The following PLA2G4F variants were observed in gnomAD, a reference collection of about 807,000 sequenced individuals.
PLA2G4F encodes phospholipase A2 group IVF, also known as cytosolic phospholipase A2 zeta.
Under a neutral mutation model 103.1 loss-of-function variants are expected in PLA2G4F, and 105 were observed. The ratio of observed to expected loss-of-function variants is 1.02; its 90% CI spans 0.87 to 1.20. The LOEUF (loss-of-function observed/expected upper bound fraction) is 1.20, where lower values mean the gene tolerates loss of function less well. Ranked by LOEUF, PLA2G4F falls within the 50% of genes most tolerant of loss-of-function variation. The pLI is 0.00. For synonymous variants in PLA2G4F, 468 were observed against 441.1 expected (o/e 1.06, Z -0.76); for missense variants, 1,155 against 1,075.9 (o/e 1.07, Z -1.03).
rs543944432 is a variant in PLA2G4F at position 42,144,937 on chromosome 15, G to A, written c.1781-293C>T. ...GTCTACAGCTTCCAATCAGAACTTC[G>A]TCCATTAAACACTGACTGAGCAATT... On this transcript the variant is annotated intron_variant, in intron 16 of 19. Transcript: ENST00000397272. Among the ~76,000 whole-genome samples, 122 of 152,224 alleles carry A rather than the reference G, an allele frequency of 8.0e-4. No individual in the cohort carries two copies. The South Asian group carries it at 0.012, about 16-fold the overall frequency.
At chr15:42,148,872 C>A in intron 11 of PLA2G4F, 1 of 985,402 alleles carries the variant, frequency 1.0e-6, no homozygotes, top group Non-Finnish European at 1.2e-6. Flanking sequence ...AAGGCGCTGT[C>A]GCTTCAGAGT....
chr15:42,151,236 T>C, intron 7 of PLA2G4F: 2 of 985,364 alleles, frequency 2.0e-6, no homozygotes, highest in Non-Finnish European at 2.4e-6. Flanking sequence ...TGTTTCCAAG[T>C]GTAGAACGTT....
chr15:42,144,687 C>G, intron 16 of PLA2G4F, 43 bp from the exon 17 acceptor site: 2 of 1,504,292 alleles, frequency 1.3e-6, no homozygotes, highest in South Asian at 2.7e-5. Context: ...AAAGTGGCAT[C>G]CTCCTTTGCC....
intron 18 of PLA2G4F, among the ~76,000 whole-genome samples, chr15:42,142,977 A>G (rs552450198): frequency 6.6e-6 from 1 of 152,086 alleles, no homozygotes; most frequent in Admixed American, 6.5e-5. Context: ...TCAAGAGATC[A>G]AGACCACCCT....
intron 10 of PLA2G4F, 52 bp downstream of exon 10, chr15:42,150,052 C>T (rs2048939046): frequency 2.5e-6 from 4 of 1,610,926 alleles, no homozygotes; most frequent in African/African-American, 1.3e-5. Context: ...GGGGTATGTC[C>T]CCGCACTTCT....
In PLA2G4F at chr15:42,146,160, C is replaced by T. The variant is rs767391879; in HGVS notation, c.1501G>A (p.Val501Ile). ...TCTTCCCCACTCAAGTTGGTGCGGA[C>T]GTTGACACTGGTGTAAATGGGGTAA... ...NPYPIYTSVN[V>I]RTNLSGEDFA... Residue 501 changes from valine to isoleucine, a missense_variant, in exon 14 of 20, where the codon GTC becomes ATC. Val to Ile is a conservative substitution (Grantham distance 29, BLOSUM62 3). Coordinates refer to ENST00000397272, the MANE Select transcript of PLA2G4F (RefSeq NM_213600.4). 25 of 1,614,220 alleles carry T rather than the reference C, an allele frequency of 1.5e-5. No homozygotes were observed. The highest frequency in any genetic ancestry group is 1.6e-4 in the Middle Eastern group (1 of 6,062).
Position 42,153,609 on chromosome 15 carries a change from C to T in PLA2G4F, c.491+11G>A. 1 of 1,614,144 alleles carries T rather than the reference C, an allele frequency of 6.2e-7. No homozygotes were observed. Among genetic ancestry groups the T allele is most frequent in the Non-Finnish European group, 8.5e-7 (1 of 1,179,996 alleles). ...TGAGTCTCTGAGGGCGTTGGCTCTA[C>T]CAGAACTCACCTCTTCTCCAGAACA... On this transcript the variant is annotated intron_variant, in intron 5 of 19. Coordinates refer to ENST00000397272, the MANE Select transcript of PLA2G4F (RefSeq NM_213600.4).
At chr15:42,142,314 C>T in intron 19 of PLA2G4F, 110 bp from the exon 20 acceptor site, 18 of 1,197,770 alleles carry the variant, frequency 1.5e-5, no homozygotes, top group Non-Finnish European at 1.8e-5. Context: ...TCCCTGCGGG[C>T]CCTGCTTGGG....
At chr15:42,152,629 T>G (rs2048972166) in intron 7 of PLA2G4F, 59 bp downstream of exon 7, 2 of 1,519,876 alleles carry the variant, frequency 1.3e-6, no homozygotes, top group Middle Eastern at 1.7e-4. Flanking sequence ...CTCCTTGACA[T>G]CAGTAGTTCC....
At position 42,145,659 on chromosome 15, in the gene PLA2G4F, T is replaced by G; in HGVS notation, c.1696A>C (p.Thr566Pro). Reference protein sequence around the residue: ...LQGMWGSAFATSLDEIFLKTA... With the variant: ...LQGMWGSAFAPSLDEIFLKTA... ...TTTAGGAAGATCTCATCCAGGCTGGTGGCAAAGGCGCTGCCCCACATACCT... is the reference window on the plus strand; with the variant it reads ...TTTAGGAAGATCTCATCCAGGCTGGGGGCAAAGGCGCTGCCCCACATACCT... The change falls in exon 16 of 20, where the codon ACC becomes CCC. Residue 566 changes from threonine (T) to proline (P), a missense_variant. Around this residue, in one of 3 missense-constraint regions of PLA2G4F, gnomAD observed 782 missense variants for 692.9 expected, o/e 1.13. Transcript: ENST00000397272. 1 of 1,614,098 alleles carries G rather than the reference T, an allele frequency of 6.2e-7. No individual in the cohort carries two copies. Among genetic ancestry groups the G allele is most frequent in the East Asian group, 2.2e-5 (1 of 44,876 alleles).
intron 11 of PLA2G4F, chr15:42,148,587 G>A: frequency 1.1e-6 from 1 of 949,742 alleles, no homozygotes; most frequent in African/African-American, 1.8e-5. Context: ...GTCCCCAGGG[G>A]TGCGGTGGGG....
In PLA2G4F at chr15:42,153,341, G is replaced by T; in HGVS notation, c.493C>A (p.Gln165Lys). ...LQVEFVLEKS[Q>K]VPASEVITNG... ...GTGATGACTTCAGATGCAGGCACCT[G>T]GCTGCAAAGGATGAGGAATACATGG... The change falls in exon 6 of 20, where the codon CAG becomes AAG. Residue 165 changes from glutamine to lysine, a missense_variant and splice_region_variant. Gln to Lys is a moderately conservative substitution (Grantham distance 53, BLOSUM62 1). This residue lies in a region of PLA2G4F where 370 missense variants were observed against 364.9 expected (regional missense o/e 1.01). Transcript: ENST00000397272. The T allele has an allele frequency of 6.2e-7, 1 of 1,613,958 alleles. No homozygotes were observed. The highest frequency in any genetic ancestry group is 2.2e-5 in the East Asian group (1 of 44,886).
intron 11 of PLA2G4F, 57 bp downstream of exon 11, chr15:42,149,655 GA>G (rs1181903677): frequency 1.2e-6 from 2 of 1,604,366 alleles, no homozygotes; most frequent in African/African-American, 1.3e-5. Flanking sequence ...CCTCTCAAGG[GA>G]AGAGACTTGA....
rs1230930553 is a variant in PLA2G4F, at chr15:42,149,861, G to C, written c.924-13C>G. ...TAGGTCCCCGGAGCTGCCTCAAGTAGGGTGGGGTGGCGGTGGGGGGTTCTG... is the reference window on the plus strand; with the variant it reads ...TAGGTCCCCGGAGCTGCCTCAAGTACGGTGGGGTGGCGGTGGGGGGTTCTG... On this transcript the variant is annotated splice_polypyrimidine_tract_variant and intron_variant, in intron 10 of 19. Coordinates refer to ENST00000397272, the MANE Select transcript of PLA2G4F (RefSeq NM_213600.4). 1.9e-6 allele frequency: 3 copies of C among 1,613,870 alleles called. No homozygotes were observed. Among genetic ancestry groups the C allele is most frequent in the Non-Finnish European group, 2.5e-6 (3 of 1,179,754 alleles).
chr15:42,142,410 CT>C, intron 19 of PLA2G4F, 117 bp downstream of exon 19: 1 of 1,314,826 alleles, frequency 7.6e-7, no homozygotes. Context: ...CAGGGGCCAG[CT>C]CAGGCCCACC....
rs932266487 is a variant in PLA2G4F at position 42,146,065 on chromosome 15, G to T, written c.1534+62C>A. 1.1e-5 allele frequency: 17 copies of T among 1,589,792 alleles called. No individual in the cohort carries two copies. The African/African-American group carries it at 2.0e-4, about 19-fold the overall frequency. On this transcript the variant is annotated intron_variant, in intron 14 of 19. Transcript: ENST00000397272. ...CTCCTCTGGGTACCCTGATCACCCT[G>T]GCCTCTCACCTCCTCCTCCCCACCT...
intron 7 of PLA2G4F, among the ~76,000 whole-genome samples, chr15:42,152,243 G>A (rs2048968382): frequency 6.6e-6 from 1 of 152,248 alleles, no homozygotes; most frequent in South Asian, 2.1e-4. Flanking sequence ...GTTAGGTAGT[G>A]GCCAGGCTGT....
At position 42,140,551 on chromosome 15, in the gene PLA2G4F, C is replaced by G. The variant is rs1352140005; in HGVS notation, c.*1433G>C. The stretch of plus-strand genomic sequence containing the variant: ...GAGGCAGAGGAGAACTGAGGTGTCC[C>G]CACCCCATGCCAGCCCAAATAACTG... On this transcript the variant is annotated 3_prime_UTR_variant, in exon 20 of 20. Coordinates refer to ENST00000397272, the MANE Select transcript of PLA2G4F (RefSeq NM_213600.4). 3 of 152,386 alleles carry G rather than the reference C, an allele frequency of 2.0e-5. No homozygotes were observed. The highest frequency in any genetic ancestry group is 4.4e-5 in the Non-Finnish European group (3 of 68,230). The allele number at this position is 152,386 out of a possible 1,614,324, so 9.4% of individuals were successfully genotyped here.
At chr15:42,146,467 CT>C (rs1449256682) in intron 13 of PLA2G4F, among the ~76,000 whole-genome samples, 1 of 152,250 alleles carries the variant, frequency 6.6e-6, no homozygotes, top group Admixed American at 6.5e-5. Flanking sequence ...AACACCCTCC[CT>C]CCTTCTTTAC....
Sources: allele counts gnomAD v4.1 joint callset (sites outside exome capture counted in the v4.1 genomes callset), GRCh38; gene constraint gnomAD v4.1.1; regional missense constraint gnomAD v4.1.1; transcripts MANE v1.5; gene names NCBI Gene and HGNC (gene_info 2026-07-23, HGNC 2026-07-21).